The following GALNT18 variants were observed in gnomAD, a reference collection of about 807,000 sequenced individuals.
The protein encoded by GALNT18 is GalNAc-transferase 18.
Under a neutral mutation model 69.5 loss-of-function variants are expected in GALNT18, and 44 were observed. The observed-to-expected ratio is 0.63, with a 90% CI of 0.50 to 0.81. The LOEUF is 0.81. Ranked by LOEUF, GALNT18 falls within the 40% of genes least tolerant of loss-of-function variation. The pLI, the probability that GALNT18 is intolerant of heterozygous loss-of-function variation, is 0.00. For missense variants in GALNT18, 715 were observed against 810.0 expected (o/e 0.88, Z 1.42); for synonymous variants, 364 against 318.2 (o/e 1.14, Z -1.53).
chr11:11,484,858 G>A (rs1418165348), intron 1 of GALNT18, among the ~76,000 whole-genome samples: 1 of 152,206 alleles, frequency 6.6e-6, no homozygotes, highest in Non-Finnish European at 1.5e-5. Flanking sequence ...ACAAATCAGT[G>A]CACTGAGACT....
chr11:11,418,018 T>C (rs1330637495), intron 3 of GALNT18, among the ~76,000 whole-genome samples: 1 of 152,240 alleles, frequency 6.6e-6, no homozygotes, highest in Non-Finnish European at 1.5e-5. Flanking sequence ...GGGGTGTATA[T>C]ACCTGCGAGG....
rs1023391018 is a variant in GALNT18 at position 11,461,453 on chromosome 11, G to A, written c.236-12517C>T. ...AGAGTGACAAATGTCTGTATCTTAG[G>A]AATCAGAATTTATATGTGCCATTAC... On this transcript the variant is annotated intron_variant, in intron 1 of 10. Transcript: ENST00000227756. This position sits in a 1 kb window ranked among gnomAD's most constrained non-coding sequence, Gnocchi z 4.1. 6.6e-6 allele frequency among the ~76,000 whole-genome samples: 1 copy of A among 152,128 alleles called. No homozygotes were observed. The highest frequency in any genetic ancestry group is 1.5e-5 in the Non-Finnish European group (1 of 68,020).
chr11:11,447,229 G>A (rs1318541607), intron 2 of GALNT18, among the ~76,000 whole-genome samples: 2 of 152,064 alleles, frequency 1.3e-5, no homozygotes, highest in Non-Finnish European at 1.5e-5. Flanking sequence ...TCCTCCAACA[G>A]TACCCTCATG....
intron 1 of GALNT18, among the ~76,000 whole-genome samples, chr11:11,550,304 C>T (rs1191527385): frequency 6.6e-6 from 1 of 152,218 alleles, no homozygotes; most frequent in Admixed American, 6.5e-5. Flanking sequence ...TCCCCAAAGG[C>T]TTCCATGCTT....
chr11:11,554,032 C>T (rs2133973147), intron 1 of GALNT18, among the ~76,000 whole-genome samples: 2 of 152,284 alleles, frequency 1.3e-5, no homozygotes, highest in Middle Eastern at 3.4e-3. Flanking sequence ...TTCGTAACTA[C>T]AAAAGGGTTT....
rs956233454 is a variant in GALNT18, at chr11:11,347,342, C to T, written c.1093-6338G>A. ...ATGTAGTTTGATAATCTCTTCTACT[C>T]CAAGACTCATGACTGCTCCATAGTC... On this transcript the variant is annotated intron_variant, in intron 6 of 10. Transcript: ENST00000227756. This position sits in a 1 kb window ranked among gnomAD's most constrained non-coding sequence, Gnocchi z 4.0. Among the ~76,000 whole-genome samples the T allele has an allele frequency of 2.6e-5, 4 of 152,204 alleles. No individual in the cohort carries two copies. The highest frequency in any genetic ancestry group is 7.2e-5 in the African/African-American group (3 of 41,454).
chr11:11,305,731 C>T (rs751566518), intron 9 of GALNT18, among the ~76,000 whole-genome samples: 27 of 152,168 alleles, frequency 1.8e-4, no homozygotes, highest in East Asian at 9.6e-4. Context: ...GTCAGGGATG[C>T]GACTGTAACA....
In GALNT18 at chr11:11,542,892, T is replaced by C. The variant is rs1682207529; in HGVS notation, c.235+78467A>G. 6.6e-6 allele frequency among the ~76,000 whole-genome samples: 1 copy of C among 152,242 alleles called. No individual in the cohort carries two copies. Among genetic ancestry groups the C allele is most frequent in the Non-Finnish European group, 1.5e-5 (1 of 68,046 alleles). On this transcript the variant is annotated intron_variant, in intron 1 of 10. Coordinates refer to ENST00000227756, the MANE Select transcript of GALNT18 (RefSeq NM_198516.3). This position sits in a 1 kb window ranked among gnomAD's most constrained non-coding sequence, Gnocchi z 4.3. ...ACTCAGCCACAGCCTTTGGGCAAAG[T>C]GTTTAATGGTCAGTAACTAAGTTTC...
rs144855827 is a variant in GALNT18 at position 11,416,821 on chromosome 11, C to T, written c.595+15800G>A. Among the ~76,000 whole-genome samples the T allele has an allele frequency of 4.7e-3, 714 of 152,250 alleles. 8 individuals carry two copies. Among genetic ancestry groups the T allele is most frequent in the African/African-American group, 0.016 (657 of 41,542 alleles). ...AATTAGGGAAGCTAGGGCAGCGTGG[C>T]GAGCCATGGCACCTCAAAATGATAG... On this transcript the variant is annotated intron_variant, in intron 3 of 10. Transcript: ENST00000227756.
intron 3 of GALNT18, among the ~76,000 whole-genome samples, chr11:11,405,574 G>A (rs1297703940): frequency 6.6e-6 from 1 of 152,148 alleles, no homozygotes; most frequent in African/African-American, 2.4e-5. Context: ...GAAGCAAGAG[G>A]GCTCTTTGTC....
chr11:11,609,481 A>G (rs771350128), intron 1 of GALNT18, among the ~76,000 whole-genome samples: 1 of 152,144 alleles, frequency 6.6e-6, no homozygotes, highest in Non-Finnish European at 1.5e-5. Flanking sequence ...TCCTCATGTA[A>G]TTGCAGTCCC....
intron 3 of GALNT18, among the ~76,000 whole-genome samples, chr11:11,408,351 C>G (rs570473155): frequency 6.8e-4 from 73 of 107,124 alleles, no homozygotes; most frequent in Middle Eastern, 0.021. Context: ...AGTGACAGAG[C>G]AAGACTTCAT....
chr11:11,532,512 G>A (rs1857677569), intron 1 of GALNT18, among the ~76,000 whole-genome samples: 3 of 152,130 alleles, frequency 2.0e-5, no homozygotes, highest in African/African-American at 7.2e-5. Context: ...CACACGGTGG[G>A]CACTCAATCA....
intron 2 of GALNT18, among the ~76,000 whole-genome samples, chr11:11,446,531 C>T (rs1458023113): frequency 6.6e-6 from 1 of 152,244 alleles, no homozygotes; most frequent in Non-Finnish European, 1.5e-5. Flanking sequence ...CAGCTCCTCT[C>T]CAGACCCAGG....
Position 11,603,885 on chromosome 11 carries a change from C to T in GALNT18, c.235+17474G>A, listed in dbSNP as rs1250653502. On this transcript the variant is annotated intron_variant, in intron 1 of 10. Coordinates refer to ENST00000227756, the MANE Select transcript of GALNT18 (RefSeq NM_198516.3). This position sits in a 1 kb window ranked among gnomAD's most constrained non-coding sequence, Gnocchi z 4.5. ...ATGATCTAAATGTCTGTATCCCTTC[C>T]CCAAATCCATATGTTGAAATCCTAA... 6.6e-6 allele frequency among the ~76,000 whole-genome samples: 1 copy of T among 152,104 alleles called. No individual in the cohort carries two copies. Among genetic ancestry groups the T allele is most frequent in the Non-Finnish European group, 1.5e-5 (1 of 68,018 alleles).
chr11:11,381,709 C>T (rs1177439648), intron 3 of GALNT18, among the ~76,000 whole-genome samples: 1 of 152,198 alleles, frequency 6.6e-6, no homozygotes, highest in Non-Finnish European at 1.5e-5. Flanking sequence ...CATTAGGCCA[C>T]CCCACAAAGG....
At chr11:11,302,314 C>G (rs1464354498) in intron 9 of GALNT18, among the ~76,000 whole-genome samples, 1 of 152,160 alleles carries the variant, frequency 6.6e-6, no homozygotes, top group Non-Finnish European at 1.5e-5. Context: ...ATGGGTGCCC[C>G]ATTTTACTGG....
At position 11,318,634 on chromosome 11, in the gene GALNT18, C is replaced by T. The variant is rs1235495741; in HGVS notation, c.1512+8452G>A. ...TTGTTACGGAAGCCCTGGGAAACTT[C>T]TGCAGGGGAAAAGGTCAGATGGTCA... On this transcript the variant is annotated intron_variant, in intron 9 of 10. Coordinates refer to ENST00000227756, the MANE Select transcript of GALNT18 (RefSeq NM_198516.3). This position sits in a 1 kb window ranked among gnomAD's most constrained non-coding sequence, Gnocchi z 5.1. 6.6e-6 allele frequency among the ~76,000 whole-genome samples: 1 copy of T among 152,146 alleles called. No homozygotes were observed. The highest frequency in any genetic ancestry group is 1.5e-5 in the Non-Finnish European group (1 of 68,022).
chr11:11,572,508 T>G (rs1203141344), intron 1 of GALNT18, among the ~76,000 whole-genome samples: 1 of 152,182 alleles, frequency 6.6e-6, no homozygotes, highest in Non-Finnish European at 1.5e-5. Flanking sequence ...GCTTGGGATG[T>G]GAACTTGGGC....
Sources: gnomAD v4.1 joint callset for allele counts (sites outside exome capture counted in the v4.1 genomes callset) on GRCh38, gnomAD v4.1.1 for gene constraint, Gnocchi (gnomAD v3.1) non-coding constraint, MANE v1.5 for transcripts, NCBI Gene and HGNC (gene_info 2026-07-23, HGNC 2026-07-21) for gene names.